Variants in MYL3 observed in about 807,000 individuals in gnomAD.
The protein encoded by MYL3 is CMLC1.
A neutral mutation model predicts 21.3 loss-of-function variants in MYL3; 11 were observed. That is an observed-to-expected ratio of 0.52 (90% CI 0.32 to 0.85). The LOEUF (loss-of-function observed/expected upper bound fraction) is 0.85, where lower values mean the gene tolerates loss of function less well. MYL3 is among the 40% of genes least tolerant of loss of function. The pLI is 0.03. For synonymous variants in MYL3, 88 were observed against 91.6 expected (o/e 0.96, Z 0.22); for missense variants, 206 against 253.3 (o/e 0.81, Z 1.27).
rs730880959 is a variant in MYL3 at position 46,863,374 on chromosome 3, G to C, written c.17C>G (p.Pro6Arg). The C allele has an allele frequency of 6.2e-7, 1 of 1,613,576 alleles. No individual in the cohort carries two copies. Among genetic ancestry groups the C allele is most frequent in the South Asian group, 1.1e-5 (1 of 91,082 alleles). Residue 6 changes from proline to arginine, a missense_variant, in exon 1 of 7, where the codon CCA becomes CGA. Coordinates refer to ENST00000292327, the MANE Select transcript of MYL3 (RefSeq NM_000258.3). Reference protein sequence around the residue: MAPKKPEPKKDDAKAA... With the variant: MAPKKREPKKDDAKAA... The stretch of plus-strand genomic sequence containing the variant: ...CTTGGCATCATCCTTCTTGGGCTCT[G>C]GCTTTTTGGGGGCCATTGGGGGCTG...
chr3:46,860,896 G>A lies in MYL3; in HGVS notation c.157+64C>T. On this transcript the variant is annotated intron_variant, in intron 2 of 6. Transcript: ENST00000292327. This position sits in a 1 kb window ranked among gnomAD's most constrained non-coding sequence, Gnocchi z 4.6. ...TACCCCACTCCCCACACCCCTGGCA[G>A]GACCCTCAGACCAGGGAACCCCAGC... 2.5e-6 allele frequency: 4 copies of A among 1,613,990 alleles called. No homozygotes were observed. Among genetic ancestry groups the A allele is most frequent in the Non-Finnish European group, 3.4e-6 (4 of 1,179,914 alleles).
At chr3:46,858,327 G>A (rs1701953914) in intron 5 of MYL3, 55 bp from the exon 6 acceptor site, 1 of 1,614,048 alleles carries the variant, frequency 6.2e-7, no homozygotes, top group Non-Finnish European at 8.5e-7. Flanking sequence ...AGCCATGGCT[G>A]GGAGCCTGGG....
At chr3:46,868,439 G>A (rs893593640), upstream of MYL3, among the ~76,000 whole-genome samples, 24 of 152,172 alleles carry the variant, frequency 1.6e-4, no homozygotes, top group African/African-American at 4.3e-4. Flanking sequence ...CTGTGCTGAC[G>A]GGGACCAGAT....
chr3:46,876,124 CT>C (rs1241971940), intron 1 of MYL3, among the ~76,000 whole-genome samples: 1 of 152,246 alleles, frequency 6.6e-6, no homozygotes, highest in African/African-American at 2.4e-5. Context: ...TACAGATCCC[CT>C]TTGAGCCTGA....
chr3:46,863,502 C>T, upstream of MYL3: 2 of 1,202,266 alleles, frequency 1.7e-6, no homozygotes, highest in East Asian at 2.5e-5. Flanking sequence ...ACCCCAGCCC[C>T]ACCCCTGCAG....
rs1395235417 is a variant in MYL3 at position 46,874,588 on chromosome 3, C to T, written c.-218+7486G>A. On this transcript the variant is annotated intron_variant, in intron 1 of 3. Transcript: ENST00000431168. This position sits in a 1 kb window ranked among gnomAD's most constrained non-coding sequence, Gnocchi z 4.1. ...CCTCTGGAACGCGTGCCCGGGACCT[C>T]GGTGATATTTTGAGTTTAAGAAAAC... Among the ~76,000 whole-genome samples the T allele has an allele frequency of 1.3e-5, 2 of 152,124 alleles. No homozygotes were observed. Among genetic ancestry groups the T allele is most frequent in the Non-Finnish European group, 2.9e-5 (2 of 68,020 alleles).
At chr3:46,875,168 G>T (rs1178781928) in intron 1 of MYL3, among the ~76,000 whole-genome samples, 1 of 152,186 alleles carries the variant, frequency 6.6e-6, no homozygotes, top group Non-Finnish European at 1.5e-5. Flanking sequence ...CATTTCCAGG[G>T]ACCACGGGAC....
intron 1 of MYL3, among the ~76,000 whole-genome samples, chr3:46,876,513 T>C (rs1206967304): frequency 6.6e-6 from 1 of 152,224 alleles, no homozygotes; most frequent in Non-Finnish European, 1.5e-5. Flanking sequence ...AGTTTCACTA[T>C]GTCCCCTGGC....
upstream of MYL3, among the ~76,000 whole-genome samples, chr3:46,865,953 G>A (rs1702045615): frequency 6.6e-6 from 1 of 152,078 alleles, no homozygotes; most frequent in African/African-American, 2.4e-5. This position sits in a 1 kb window ranked among gnomAD's most constrained non-coding sequence, Gnocchi z 4.3. Context: ...GAACAACAGT[G>A]CCCCAGGACT....
At position 46,860,742 on chromosome 3, in the gene MYL3, G is replaced by C; in HGVS notation, c.241C>G (p.Arg81Gly). ...ITYGQCGDVL[R>G]ALGQNPTQAE... ...TGTGTGGGGTTCTGGCCCAGCGCCC[G>C]CAGGACATCCCCACACTGCCCGTAG... is the stretch of plus-strand genomic sequence containing the variant. Residue 81 changes from arginine (R) to glycine (G), a missense_variant, in exon 3 of 7, where the codon CGG becomes GGG. Arg to Gly is a moderately radical substitution (Grantham distance 125). Transcript: ENST00000292327. The surrounding 1 kb of genome is among the most constrained non-coding windows in gnomAD (Gnocchi z 4.6). 1 of 1,614,100 alleles carries C rather than the reference G, an allele frequency of 6.2e-7. No individual in the cohort carries two copies. Among genetic ancestry groups the C allele is most frequent in the South Asian group, 1.1e-5 (1 of 91,076 alleles).
chr3:46,864,953 T>C (rs1702034034), upstream of MYL3, among the ~76,000 whole-genome samples: 1 of 152,206 alleles, frequency 6.6e-6, no homozygotes, highest in Non-Finnish European at 1.5e-5. This position sits in a 1 kb window ranked among gnomAD's most constrained non-coding sequence, Gnocchi z 4.7. Flanking sequence ...CCAGCATCTG[T>C]GCCTGGGGGG....
chr3:46,878,030 G>C (rs1282969316), intron 1 of MYL3, among the ~76,000 whole-genome samples: 1 of 152,228 alleles, frequency 6.6e-6, no homozygotes, highest in Non-Finnish European at 1.5e-5. Context: ...GAGGCCAGCA[G>C]GGACAGAAAG....
At position 46,860,655 on chromosome 3, in the gene MYL3, G is replaced by A; in HGVS notation, c.307+21C>T. On this transcript the variant is annotated intron_variant, in intron 3 of 6. Transcript: ENST00000292327. The surrounding 1 kb of genome is among the most constrained non-coding windows in gnomAD (Gnocchi z 4.6). The stretch of plus-strand genomic sequence containing the variant: ...TCTCCCCGGTACTAACACTATGGGG[G>A]CTCTCGGGCAGGTGCACTACCTTCC... 6.2e-7 allele frequency: 1 copy of A among 1,611,978 alleles called. No homozygotes were observed. Among genetic ancestry groups the A allele is most frequent in the Non-Finnish European group, 8.5e-7 (1 of 1,179,998 alleles).
Position 46,858,121 on chromosome 3 carries a change from A to C in MYL3, c.*14-20T>G. The C allele has an allele frequency of 7.9e-7, 1 of 1,272,362 alleles. No individual in the cohort carries two copies. Among genetic ancestry groups the C allele is most frequent in the Non-Finnish European group, 1.1e-6 (1 of 874,916 alleles). The allele number at this position is 1,272,362 out of a possible 1,614,324, so 78.8% of individuals were successfully genotyped here. On this transcript the variant is annotated intron_variant, in intron 6 of 6. Transcript: ENST00000292327. The stretch of plus-strand genomic sequence containing the variant: ...GGCTTCCTGAGAGCAAAGGCAGTGC[A>C]GATTACAGAGGAGGAGGGAGACGGA...
At chr3:46,871,574 G>T (rs2029905631) in intron 1 of MYL3, among the ~76,000 whole-genome samples, 1 of 152,032 alleles carries the variant, frequency 6.6e-6, no homozygotes, top group Admixed American at 6.6e-5. Context: ...GAGATGGTTG[G>T]GAGACAGGCA....
At chr3:46,880,637 G>A (rs890603804) in intron 1 of MYL3, among the ~76,000 whole-genome samples, 4 of 152,190 alleles carry the variant, frequency 2.6e-5, no homozygotes, top group African/African-American at 9.7e-5. Flanking sequence ...CTACTTGGGA[G>A]AATCACTTGA....
intron 1 of MYL3, among the ~76,000 whole-genome samples, chr3:46,862,087 G>C (rs184323338): frequency 6.6e-6 from 1 of 152,308 alleles, no homozygotes; most frequent in Non-Finnish European, 1.5e-5. Context: ...CTGGGGATGG[G>C]GGAAGAGGGC....
At chr3:46,863,111 A>T in intron 1 of MYL3, 151 bp downstream of exon 1, 1 of 1,150,422 alleles carries the variant, frequency 8.7e-7, no homozygotes, top group Non-Finnish European at 1.3e-6. Flanking sequence ...CTGATGCCTG[A>T]AGCAGTCAGG....
Position 46,860,934 on chromosome 3 carries a change from C to A in MYL3, c.157+26G>T, listed in dbSNP as rs1042816943. 1 of 1,614,128 alleles carries A rather than the reference C, an allele frequency of 6.2e-7. No homozygotes were observed. The highest frequency in any genetic ancestry group is 1.1e-5 in the South Asian group (1 of 91,084). ...AGGGAACCCCAGCCCAATCCTGCAA[C>A]CCCTGGGTTCAAGACCCCTGCTCAC... On this transcript the variant is annotated intron_variant, in intron 2 of 6. Transcript: ENST00000292327. This position sits in a 1 kb window ranked among gnomAD's most constrained non-coding sequence, Gnocchi z 4.6.
Sources: gnomAD v4.1 joint callset for allele counts (sites outside exome capture counted in the v4.1 genomes callset) on GRCh38, gnomAD v4.1.1 for gene constraint, Gnocchi (gnomAD v3.1) non-coding constraint, MANE v1.5 for transcripts, NCBI Gene and HGNC (gene_info 2026-07-23, HGNC 2026-07-21) for gene names.